The following SLC35F1 variants were observed in gnomAD, a reference collection of about 807,000 sequenced individuals.
SLC35F1 encodes chromosome 6 open reading frame 169.
A neutral mutation model predicts 48.7 loss-of-function variants in SLC35F1; 14 were observed. The observed-to-expected ratio is 0.29, with a 90% CI of 0.19 to 0.45. The LOEUF (loss-of-function observed/expected upper bound fraction) is 0.45, where lower values mean the gene tolerates loss of function less well. Ranked by LOEUF, SLC35F1 falls within the 20% of genes least tolerant of loss-of-function variation. The pLI, the probability that SLC35F1 is intolerant of heterozygous loss-of-function variation, is 1.00. For missense variants in SLC35F1, 404 were observed against 500.0 expected, an observed-to-expected ratio of 0.81 and a Z score of 1.83; for synonymous variants, 190 against 202.2, an observed-to-expected ratio of 0.94 and a Z score of 0.51.
chr6:118,264,437 T>C (rs890739932), intron 3 of SLC35F1, among the ~76,000 whole-genome samples: 30 of 152,224 alleles, frequency 2.0e-4, no homozygotes, highest in African/African-American at 6.5e-4. Context: ...GATTATATTC[T>C]TCTTTCCCTT....
At position 118,315,640 on chromosome 6, in the gene SLC35F1, CGT is replaced by C. The variant is rs1776426173; in HGVS notation, c.*1391_*1392del. On this transcript the variant is annotated 3_prime_UTR_variant, in exon 8 of 8. Coordinates refer to ENST00000360388, the MANE Select transcript of SLC35F1 (RefSeq NM_001029858.4). ...ATTTTTAGTAGAGATGGGGTTTCAC[CGT>C]GTTAGCCAGGATGGTCTCGATCTCC... is the stretch of plus-strand genomic sequence containing the variant. 2 of 151,922 alleles carry C rather than the reference CGT, an allele frequency of 1.3e-5. No individual in the cohort carries two copies. Among genetic ancestry groups the C allele is most frequent in the Non-Finnish European group, 2.9e-5 (2 of 67,974 alleles). The allele number at this position is 151,922 out of a possible 1,614,324, so 9.4% of individuals were successfully genotyped here. A position where few individuals can be genotyped will look rare whatever the true frequency, so the allele number is the denominator to read the frequency against.
intron 6 of SLC35F1, among the ~76,000 whole-genome samples, chr6:118,282,399 G>T (rs756253378): frequency 2.7e-5 from 4 of 149,710 alleles, no homozygotes; most frequent in Non-Finnish European, 4.4e-5. Flanking sequence ...TTCCACTCCT[G>T]TCCCCCTACC....
At chr6:117,916,829 C>T (rs1366633165) in intron 1 of SLC35F1, among the ~76,000 whole-genome samples, 4 of 124,800 alleles carry the variant, frequency 3.2e-5, no homozygotes, top group Non-Finnish European at 7.6e-5. Context: ...TACAGCTTCA[C>T]CTCAAGCTCT....
At chr6:118,151,636 C>G (rs527888992) in intron 1 of SLC35F1, among the ~76,000 whole-genome samples, 2 of 152,286 alleles carry the variant, frequency 1.3e-5, no homozygotes, top group East Asian at 3.9e-4. Flanking sequence ...CTGCCTCAGT[C>G]TCCCAAGGAG....
intron 3 of SLC35F1, among the ~76,000 whole-genome samples, chr6:118,246,146 A>G (rs1214441418): frequency 1.3e-5 from 2 of 152,200 alleles, no homozygotes; most frequent in African/African-American, 4.8e-5. Flanking sequence ...TATGGTTGGC[A>G]GTATGGATTA....
chr6:117,908,103 T>C (rs2760240), intron 1 of SLC35F1, among the ~76,000 whole-genome samples: 125,803 of 152,210 alleles, frequency 0.83, 52,409 homozygotes, highest in African/African-American at 0.92. Context: ...CCTGGAGTGG[T>C]GGAGCTGCAG....
At chr6:118,124,856 C>T (rs1257076090) in intron 1 of SLC35F1, among the ~76,000 whole-genome samples, 1 of 152,160 alleles carries the variant, frequency 6.6e-6, no homozygotes, top group Non-Finnish European at 1.5e-5. Context: ...ATTTTAAATG[C>T]CATTCTTTAT....
At chr6:118,016,115 T>G (rs1205663407) in intron 1 of SLC35F1, among the ~76,000 whole-genome samples, 1 of 152,220 alleles carries the variant, frequency 6.6e-6, no homozygotes, top group Non-Finnish European at 1.5e-5. Flanking sequence ...CTAGTTTTCT[T>G]ACTCAGTGAG....
chr6:117,985,065 G>C (rs766416638), intron 1 of SLC35F1, among the ~76,000 whole-genome samples: 6 of 152,172 alleles, frequency 3.9e-5, no homozygotes, highest in African/African-American at 7.2e-5. Flanking sequence ...ATCACACTTT[G>C]ATAAAACTTC....
chr6:118,317,612 CT>C lies in SLC35F1; in HGVS notation c.*3361del, dbSNP rs1462413487. 1 of 152,192 alleles carries C rather than the reference CT, an allele frequency of 6.6e-6. No homozygotes were observed. Among genetic ancestry groups the C allele is most frequent in the African/African-American group, 2.4e-5 (1 of 41,438 alleles). The allele number at this position is 152,192 out of a possible 1,614,324, so 9.4% of individuals were successfully genotyped here. On this transcript the variant is annotated 3_prime_UTR_variant, in exon 8 of 8. Coordinates refer to ENST00000360388, the MANE Select transcript of SLC35F1 (RefSeq NM_001029858.4). ...ATTTGCATGCTCCCCTATGGACTGG[CT>C]GTGGCAATGTAATGCCTGTATAATG...
At chr6:117,959,053 C>T (rs1219341000) in intron 1 of SLC35F1, among the ~76,000 whole-genome samples, 1 of 152,144 alleles carries the variant, frequency 6.6e-6, no homozygotes, top group Non-Finnish European at 1.5e-5. Flanking sequence ...CCAACTTCCA[C>T]GTGCTTGTTG....
At chr6:118,177,677 T>C (rs1774510213) in intron 2 of SLC35F1, among the ~76,000 whole-genome samples, 1 of 152,096 alleles carries the variant, frequency 6.6e-6, no homozygotes. Flanking sequence ...AGAAAATTCT[T>C]AGTTTTGTTT....
rs546155824 is a variant in SLC35F1 at position 118,189,519 on chromosome 6, G to A, written c.349+34899G>A. Among the ~76,000 whole-genome samples the A allele has an allele frequency of 1.3e-3, 191 of 151,980 alleles. No individual in the cohort carries two copies. The Middle Eastern group carries it at 0.014, about 11-fold the overall frequency. Reference sequence around the variant, plus strand: ...CTTACTATATATTTTAGATATTAACGCCTTAGCAGATATATGGTTCACAAA... The same window carrying A: ...CTTACTATATATTTTAGATATTAACACCTTAGCAGATATATGGTTCACAAA... On this transcript the variant is annotated intron_variant, in intron 2 of 7. Transcript: ENST00000360388.
chr6:117,933,468 G>A (rs147803103), intron 1 of SLC35F1, among the ~76,000 whole-genome samples: 385 of 152,310 alleles, frequency 2.5e-3, no homozygotes, highest in Non-Finnish European at 4.0e-3. Context: ...TTGTGATGTA[G>A]TGGTTGCCAT....
intron 1 of SLC35F1, chr6:117,999,158 G>A: frequency 6.3e-7 from 1 of 1,594,320 alleles, no homozygotes. Flanking sequence ...GGCCAACAAT[G>A]CCAAGGCCAT....
At chr6:118,214,648 A>G (rs1284061357) in intron 2 of SLC35F1, among the ~76,000 whole-genome samples, 1 of 152,190 alleles carries the variant, frequency 6.6e-6, no homozygotes, top group African/African-American at 2.4e-5. Flanking sequence ...AAACTTGTAG[A>G]TGAGGACCTT....
intron 1 of SLC35F1, among the ~76,000 whole-genome samples, chr6:117,972,676 A>G (rs1194475745): frequency 6.6e-6 from 1 of 152,186 alleles, no homozygotes; most frequent in African/African-American, 2.4e-5. Context: ...CAGATCTCAT[A>G]AGACTTATTC....
chr6:118,122,180 T>G (rs893269481), intron 1 of SLC35F1, among the ~76,000 whole-genome samples: 1 of 152,106 alleles, frequency 6.6e-6, no homozygotes, highest in Admixed American at 6.6e-5. Context: ...CATTTTTGTA[T>G]GTCCAATATA....
intron 1 of SLC35F1, among the ~76,000 whole-genome samples, chr6:117,918,054 TTGGCAACACAGGGAACCCTGTGGCTG>T (rs1024264951): frequency 5.9e-5 from 9 of 152,090 alleles, no homozygotes; most frequent in African/African-American, 4.8e-5. Flanking sequence ...GACCAGTGGC[TTGGCAACACAGGGAACCCTGTGGCTG>T]TGGCAACCAC....
Sources: allele counts gnomAD v4.1 joint callset (sites outside exome capture counted in the v4.1 genomes callset), GRCh38; gene constraint gnomAD v4.1.1; transcripts MANE v1.5; gene names NCBI Gene and HGNC (gene_info 2026-07-23, HGNC 2026-07-21).